TMC1: variants seen among roughly 807,000 people sequenced by gnomAD.
TMC1 encodes transmembrane channel-like protein 1.
In TMC1, 84 loss-of-function variants were observed where a neutral mutation model predicts 105.8. That is an observed-to-expected ratio of 0.79 (90% CI 0.67 to 0.95). The LOEUF (loss-of-function observed/expected upper bound fraction) is 0.95. Among genes scored for constraint, TMC1 ranks in the 40% least tolerant of loss-of-function variants. The pLI is 0.00. For synonymous variants in TMC1, 315 were observed against 311.5 expected (o/e 1.01, Z -0.12); for missense variants, 817 against 914.1 (o/e 0.89, Z 1.37).
intron 3 of TMC1, among the ~76,000 whole-genome samples, chr9:72,622,292 C>T (rs1311651337): frequency 6.6e-6 from 1 of 152,230 alleles, no homozygotes; most frequent in Non-Finnish European, 1.5e-5. Flanking sequence ...CAGCTTCCAA[C>T]CACTCTCATC....
At chr9:72,722,408 C>T (rs1473955528) in intron 8 of TMC1, among the ~76,000 whole-genome samples, 2 of 152,156 alleles carry the variant, frequency 1.3e-5, no homozygotes, top group Non-Finnish European at 2.9e-5. Context: ...GCATCCTATG[C>T]TTCTTCCATG....
At chr9:72,796,986 C>T (rs1313075733) in intron 17 of TMC1, among the ~76,000 whole-genome samples, 1 of 152,084 alleles carries the variant, frequency 6.6e-6, no homozygotes, top group African/African-American at 2.4e-5. Flanking sequence ...ATTACCCCGG[C>T]CCAAAAGCTT....
intron 8 of TMC1, among the ~76,000 whole-genome samples, chr9:72,731,237 A>C (rs1323107958): frequency 6.6e-6 from 1 of 152,224 alleles, no homozygotes; most frequent in Non-Finnish European, 1.5e-5. Flanking sequence ...AATTAGTACA[A>C]AAAATATAGA....
At chr9:72,741,105 G>C (rs1410051435) in intron 9 of TMC1, 1 of 146,420 alleles carries the variant, frequency 6.8e-6, no homozygotes, top group African/African-American at 2.7e-5. Flanking sequence ...CTAGTTATGA[G>C]TAATCTTTTT....
At chr9:72,779,745 C>T (rs188206968) in intron 13 of TMC1, among the ~76,000 whole-genome samples, 37 of 152,194 alleles carry the variant, frequency 2.4e-4, no homozygotes, top group Non-Finnish European at 4.1e-4. Flanking sequence ...ACAAAGCCTC[C>T]AAGAAATACA....
At chr9:72,700,224 C>A (rs556173827) in intron 7 of TMC1, among the ~76,000 whole-genome samples, 10 of 149,592 alleles carry the variant, frequency 6.7e-5, no homozygotes, top group African/African-American at 2.5e-4. Context: ...GCACTACAGC[C>A]TGGGTGACAA....
chr9:72,663,847 T>C (rs1397557706), intron 5 of TMC1, among the ~76,000 whole-genome samples: 5 of 152,206 alleles, frequency 3.3e-5, no homozygotes, highest in Admixed American at 3.3e-4. Flanking sequence ...ACATATTTTC[T>C]TTATATACTT....
intron 8 of TMC1, among the ~76,000 whole-genome samples, chr9:72,722,293 T>G (rs1482179201): frequency 6.6e-6 from 1 of 152,202 alleles, no homozygotes; most frequent in Non-Finnish European, 1.5e-5. Context: ...TGTGCCATAC[T>G]ACTTCTAATT....
rs1828282489 is a variant in TMC1, at chr9:72,792,174, A to G, written c.1405-17A>G. On this transcript the variant is annotated splice_polypyrimidine_tract_variant and intron_variant, in intron 16 of 23. Coordinates refer to ENST00000297784, the MANE Select transcript of TMC1 (RefSeq NM_138691.3). ...CTCTGTTGTCTTCATTTTAGTTTCT[A>G]TCTCTTTGCTTTCTAGATTGAAGAG... is the stretch of plus-strand genomic sequence containing the variant. The G allele has an allele frequency of 6.2e-7, 1 of 1,614,106 alleles. No individual in the cohort carries two copies. The highest frequency in any genetic ancestry group is 1.1e-5 in the South Asian group (1 of 91,082).
chr9:72,700,604 G>A lies in TMC1; in HGVS notation c.323G>A (p.Cys108Tyr). 1.2e-6 allele frequency: 2 copies of A among 1,607,194 alleles called. No homozygotes were observed. Among genetic ancestry groups the A allele is most frequent in the South Asian group, 2.2e-5 (2 of 90,896 alleles). The change falls in exon 8 of 24, where the codon TGC becomes TAC. Residue 108 changes from cysteine to tyrosine, a missense_variant. Transcript: ENST00000297784. ...AGACAAATAATTGCTACTGTCAAAT[G>A]CAAACCATGGAAGATGGAGAAGAAA... Reference protein sequence around the residue: ...EKRQIIATVKCKPWKMEKKIE... With the variant: ...EKRQIIATVKYKPWKMEKKIE...
chr9:72,692,551 T>C (rs1412961533), intron 6 of TMC1, among the ~76,000 whole-genome samples: 1 of 152,180 alleles, frequency 6.6e-6, no homozygotes, highest in Non-Finnish European at 1.5e-5. Context: ...GTCATCCCAG[T>C]AGTTTAGTTT....
At chr9:72,755,395 A>G (rs1827663140) in intron 12 of TMC1, among the ~76,000 whole-genome samples, 1 of 152,182 alleles carries the variant, frequency 6.6e-6, no homozygotes, top group South Asian at 2.1e-4. Flanking sequence ...ATTTAGTATT[A>G]CTCAATAGTT....
At chr9:72,656,203 C>T (rs1825882550) in intron 5 of TMC1, 4 of 528,472 alleles carry the variant, frequency 7.6e-6, no homozygotes, top group African/African-American at 3.8e-5. Context: ...CACTGCTGCG[C>T]GGCTTCCTGA....
At chr9:72,802,873 A>C (rs1227290428) in intron 17 of TMC1, among the ~76,000 whole-genome samples, 1 of 152,214 alleles carries the variant, frequency 6.6e-6, no homozygotes, top group African/African-American at 2.4e-5. Context: ...CAGAATTAGA[A>C]AAAAAACATT....
chr9:72,643,214 A>G (rs1049273533), intron 4 of TMC1, among the ~76,000 whole-genome samples: 1 of 151,218 alleles, frequency 6.6e-6, no homozygotes, highest in Non-Finnish European at 1.5e-5. Context: ...TCACATGTAC[A>G]GAAGTAGATT....
At position 72,796,322 on chromosome 9, in the gene TMC1, G is replaced by T. The variant is rs139211748; in HGVS notation, c.1566+3970G>T. Among the ~76,000 whole-genome samples the T allele has an allele frequency of 4.9e-3, 744 of 152,182 alleles. 3 individuals carry two copies. Among genetic ancestry groups the T allele is most frequent in the African/African-American group, 0.017 (717 of 41,526 alleles). On this transcript the variant is annotated intron_variant, in intron 17 of 23. Coordinates refer to ENST00000297784, the MANE Select transcript of TMC1 (RefSeq NM_138691.3). Reference sequence around the variant, plus strand: ...AAGAACTGGTAACATTCCTACTGAAGCTATTTCACGAAATTGAGGAGGAGG... The same window carrying T: ...AAGAACTGGTAACATTCCTACTGAATCTATTTCACGAAATTGAGGAGGAGG...
At chr9:72,780,154 CCTAACTAAG>C (rs1828070234) in intron 13 of TMC1, among the ~76,000 whole-genome samples, 1 of 152,142 alleles carries the variant, frequency 6.6e-6, no homozygotes, top group Non-Finnish European at 1.5e-5. Flanking sequence ...TCATATCGAG[CCTAACTAAG>C]CTTCATAAGC....
rs1826272819 is a variant in TMC1 at position 72,680,722 on chromosome 9, T to C, written c.17-7987T>C. On this transcript the variant is annotated intron_variant, in intron 5 of 23. Coordinates refer to ENST00000297784, the MANE Select transcript of TMC1 (RefSeq NM_138691.3). ...CACCCTGACTCTACCCTGCCCCCAC[T>C]GCCTTTTGTTCTTTGGAAGACACTC... 2.6e-5 allele frequency among the ~76,000 whole-genome samples: 4 copies of C among 152,116 alleles called. No individual in the cohort carries two copies. The South Asian group carries it at 8.3e-4, about 31-fold the overall frequency.
intron 1 of TMC1, 119 bp downstream of exon 1, chr9:72,522,032 T>C (rs1294708173): frequency 3.3e-5 from 5 of 152,204 alleles, no homozygotes; most frequent in African/African-American, 1.2e-4. Context: ...ATTAGTGAAA[T>C]AAAACTATAT....
Sources: gnomAD v4.1 joint callset for allele counts (sites outside exome capture counted in the v4.1 genomes callset) on GRCh38, gnomAD v4.1.1 for gene constraint, MANE v1.5 for transcripts, NCBI Gene and HGNC (gene_info 2026-07-23, HGNC 2026-07-21) for gene names.